NADK2: variants seen among roughly 807,000 people sequenced by gnomAD.
The protein encoded by NADK2 is NAD kinase domain-containing protein 1, mitochondrial.
A neutral mutation model predicts 62.1 loss-of-function variants in NADK2; 35 were observed. That is an observed-to-expected ratio of 0.56 (90% CI 0.43 to 0.75). NADK2 has a LOEUF of 0.75. Ranked by LOEUF, NADK2 falls within the 30% of genes least tolerant of loss-of-function variation. The probability of loss-of-function intolerance (pLI) is 0.00; values close to 1 mark genes in which losing one functional copy is unlikely to be tolerated. For synonymous variants in NADK2, 205 were observed against 207.9 expected (o/e 0.99, Z 0.12); for missense variants, 439 against 561.3 (o/e 0.78, Z 2.20).
intron 10 of NADK2, among the ~76,000 whole-genome samples, chr5:36,198,396 G>C (rs1209442322): frequency 2.0e-5 from 3 of 151,620 alleles, no homozygotes; most frequent in African/African-American, 7.3e-5. Flanking sequence ...GGCTTCATGA[G>C]AACACACCAC....
Position 36,219,654 on chromosome 5 carries a change from C to T in NADK2, c.586G>A (p.Val196Ile), listed in dbSNP as rs775180461. The T allele has an allele frequency of 1.4e-5, 22 of 1,613,606 alleles. No individual in the cohort carries two copies. Among genetic ancestry groups the T allele is most frequent in the African/African-American group, 5.3e-5 (4 of 74,810 alleles). The change falls in exon 5 of 12, where the codon GTT becomes ATT. Residue 196 changes from valine to isoleucine, a missense_variant. Transcript: ENST00000381937. ...ERSEGHLCLP[V>I]RYTHSFPEAL... The stretch of plus-strand genomic sequence containing the variant: ...TCTGGAAAGGAATGTGTATATCGAA[C>T]GGGCAGGCATAAATGACCCTCAGAC...
upstream of NADK2, chr5:36,241,972 G>T: frequency 2.5e-6 from 1 of 406,402 alleles, no homozygotes; most frequent in Non-Finnish European, 3.7e-6. This position sits in a 1 kb window ranked among gnomAD's most constrained non-coding sequence, Gnocchi z 4.9. Context: ...CCCAGGCGTT[G>T]ACGAAGGCGG....
intron 8 of NADK2, among the ~76,000 whole-genome samples, chr5:36,203,507 C>CA (rs1301118509): frequency 1.3e-5 from 2 of 151,968 alleles, no homozygotes; most frequent in Non-Finnish European, 2.9e-5. Flanking sequence ...AGAGACTGAG[C>CA]AACGAAGGTG....
intron 6 of NADK2, among the ~76,000 whole-genome samples, chr5:36,216,516 C>T (rs1747049527): frequency 6.6e-6 from 1 of 151,974 alleles, no homozygotes; most frequent in Admixed American, 6.6e-5. Context: ...GAATAATTTC[C>T]CCTGCCTGTT....
In NADK2 at chr5:36,241,644, G is replaced by A; in HGVS notation, c.155C>T (p.Pro52Leu). The A allele has an allele frequency of 2.1e-6, 3 of 1,428,326 alleles. No individual in the cohort carries two copies. The highest frequency in any genetic ancestry group is 2.7e-6 in the Non-Finnish European group (3 of 1,093,852). 88.5% of individuals were successfully genotyped at this position (1,428,326 alleles called of 1,614,324 possible). A position where few individuals can be genotyped will look rare whatever the true frequency, so the allele number is the denominator to read the frequency against. Reference protein sequence around the residue: ...GGRRHLGQGQPRELAGCGSRA... With the variant: ...GGRRHLGQGQLRELAGCGSRA... ...GCTGCCACAGCCCGCCAGCTCGCGC[G>A]GCTGCCCCTGCCCCAGGTGCCGCCG... The change falls in exon 1 of 12, where the codon CCG (proline) becomes CTG (leucine). Residue 52 changes from proline to leucine, a missense_variant. Coordinates refer to ENST00000381937, the MANE Select transcript of NADK2 (RefSeq NM_001085411.3). The surrounding 1 kb of genome is among the most constrained non-coding windows in gnomAD (Gnocchi z 4.9).
chr5:36,235,113 A>C (rs189359821), intron 1 of NADK2, among the ~76,000 whole-genome samples: 2 of 152,302 alleles, frequency 1.3e-5, no homozygotes, highest in Non-Finnish European at 2.9e-5. Context: ...GGATATTGCC[A>C]ATAGTGACAC....
chr5:36,211,899 G>T lies in NADK2; in HGVS notation c.805C>A (p.Leu269Ile). ...TCATTTAGTGCTCTCACTGGCAGAA[G>T]TTGGGGTCCTGAAGCCTCAGACCCT... Reference protein sequence around the residue: ...DERSEASGPQLLPVRALNEVF... With the variant: ...DERSEASGPQILPVRALNEVF... The change falls in exon 7 of 12, where the codon CTT (leucine) becomes ATT (isoleucine). Residue 269 changes from leucine to isoleucine, a missense_variant. Transcript: ENST00000381937. 6.2e-7 allele frequency: 1 copy of T among 1,613,766 alleles called. No individual in the cohort carries two copies. Among genetic ancestry groups the T allele is most frequent in the Non-Finnish European group, 8.5e-7 (1 of 1,179,792 alleles).
chr5:36,240,482 A>C (rs556087145), intron 1 of NADK2, among the ~76,000 whole-genome samples: 110 of 152,250 alleles, frequency 7.2e-4, no homozygotes, highest in Non-Finnish European at 1.3e-3. Context: ...TAAATCAGTT[A>C]TGTGCAATTA....
chr5:36,220,457 G>A (rs1304085900), intron 4 of NADK2, among the ~76,000 whole-genome samples: 3 of 152,098 alleles, frequency 2.0e-5, no homozygotes, highest in Admixed American at 2.0e-4. Flanking sequence ...AAAGGCTGAG[G>A]GTAGGCTTAG....
At chr5:36,224,223 C>A (rs760724942) in intron 4 of NADK2, among the ~76,000 whole-genome samples, 6 of 152,022 alleles carry the variant, frequency 3.9e-5, no homozygotes, top group Non-Finnish European at 7.4e-5. Flanking sequence ...CCCAGATGAC[C>A]ATAGCAGTAC....
intron 1 of NADK2, among the ~76,000 whole-genome samples, chr5:36,229,062 ATATT>A (rs1264595804): frequency 6.6e-6 from 1 of 152,212 alleles, no homozygotes; most frequent in African/African-American, 2.4e-5. Flanking sequence ...TGGAAAATGC[ATATT>A]TAAAGAAAAT....
intron 7 of NADK2, among the ~76,000 whole-genome samples, chr5:36,211,226 A>G (rs1272019333): frequency 6.6e-6 from 1 of 152,210 alleles, no homozygotes; most frequent in Non-Finnish European, 1.5e-5. Flanking sequence ...ATTTATGTTC[A>G]GAGATTGCAG....
intron 10 of NADK2, among the ~76,000 whole-genome samples, chr5:36,198,838 G>T (rs994818078): frequency 2.0e-5 from 3 of 151,866 alleles, no homozygotes; most frequent in African/African-American, 7.3e-5. Context: ...TTAGAAGGCT[G>T]AACGGGGCTT....
At chr5:36,204,300 G>T (rs3849786) in intron 8 of NADK2, among the ~76,000 whole-genome samples, 142,187 of 152,198 alleles carry the variant, frequency 0.93, 66,822 homozygotes, top group Non-Finnish European at 0.98. Context: ...TCCTGCATTT[G>T]GCAGGCAAGG....
At chr5:36,219,490 C>T (rs925627126) in intron 5 of NADK2, 106 bp downstream of exon 5, 9 of 941,458 alleles carry the variant, frequency 9.6e-6, no homozygotes, top group Non-Finnish European at 1.3e-5. Flanking sequence ...GGATTACAGG[C>T]GTGAGATACC....
At chr5:36,236,079 T>C in intron 1 of NADK2, among the ~76,000 whole-genome samples, 1 of 152,048 alleles carries the variant, frequency 6.6e-6, no homozygotes, top group East Asian at 1.9e-4. Context: ...TAGAAGTTAA[T>C]TTATATAATT....
At chr5:36,212,912 A>C (rs1746903383) in intron 6 of NADK2, 1 of 152,198 alleles carries the variant, frequency 6.6e-6, no homozygotes, top group Non-Finnish European at 1.5e-5. Flanking sequence ...GCTCTATGTG[A>C]CCAACAGAAT....
intron 1 of NADK2, among the ~76,000 whole-genome samples, chr5:36,240,013 T>C (rs1041351359): frequency 6.6e-6 from 1 of 152,192 alleles, no homozygotes; most frequent in Non-Finnish European, 1.5e-5. Context: ...TATTTATGCA[T>C]ACATGGCATT....
chr5:36,238,248 A>G lies in NADK2; in HGVS notation c.300+3251T>C, dbSNP rs117146582. ...GCCCAAGTGCTACAACCTAAGCCAC[A>G]AAATCTTCAGAAAACAAAAGGGAAA... On this transcript the variant is annotated intron_variant, in intron 1 of 11. Transcript: ENST00000381937. 7.9e-4 allele frequency among the ~76,000 whole-genome samples: 121 copies of G among 152,370 alleles called. 1 individual carries two copies. In the East Asian group the frequency reaches 0.018, roughly 22 times the overall value.
Sources: gnomAD v4.1 joint callset for allele counts (sites outside exome capture counted in the v4.1 genomes callset) on GRCh38, gnomAD v4.1.1 for gene constraint, Gnocchi (gnomAD v3.1) non-coding constraint, MANE v1.5 for transcripts, NCBI Gene and HGNC (gene_info 2026-07-23, HGNC 2026-07-21) for gene names.